SH3KBP1: variants seen among roughly 807,000 people sequenced by gnomAD.
The protein encoded by SH3KBP1 is SH3 domain-containing kinase-binding protein 1.
In SH3KBP1, 8 loss-of-function variants were observed where a neutral mutation model predicts 50.1. The ratio of observed to expected loss-of-function variants is 0.16; its 90% CI spans 0.09 to 0.29. SH3KBP1 has a LOEUF of 0.29. Among genes scored for constraint, SH3KBP1 ranks in the 10% least tolerant of loss-of-function variants. The pLI, the probability that SH3KBP1 is intolerant of heterozygous loss-of-function variation, is 1.00. For synonymous variants in SH3KBP1, 227 were observed against 218.6 expected, an observed-to-expected ratio of 1.04 and a Z score of -0.34; for missense variants, 377 against 535.2, an observed-to-expected ratio of 0.70 and a Z score of 2.92.
At position 19,599,489 on chromosome X, in the gene SH3KBP1, G is replaced by A. The variant is rs188408886; in HGVS notation, c.1006-4489C>T. ...GAGACAGAAGTGTGAAGTTTTGTTC[G>A]GAAACCCGGCAGTTGCAGAGGCAGT... is the stretch of plus-strand genomic sequence containing the variant. On this transcript the variant is annotated intron_variant, in intron 9 of 17. Transcript: ENST00000397821. Among the ~76,000 whole-genome samples the A allele has an allele frequency of 2.2e-4, 25 of 112,038 alleles. No individual in the cohort carries two copies. The East Asian group carries it at 3.7e-3, about 16-fold the overall frequency.
chrX:19,887,485 C>T lies in SH3KBP1; in HGVS notation c.-175G>A. 3.2e-6 allele frequency: 1 copy of T among 309,686 alleles called. No homozygotes were observed. The highest frequency in any genetic ancestry group is 5.3e-6 in the Non-Finnish European group (1 of 187,597). The allele number at this position is 309,686 out of a possible 1,213,427, so 25.5% of individuals were successfully genotyped here. A position where few individuals can be genotyped will look rare whatever the true frequency, so the allele number is the denominator to read the frequency against. ...GGCGGCGGCTCAGCGCCGCCCGCTG[C>T]TGCCTCTGCTGCTGCTGCCGCTGCT... On this transcript the variant is annotated 5_prime_UTR_variant, in exon 1 of 18. Transcript: ENST00000397821.
intron 3 of SH3KBP1, chrX:19,740,636 A>C: frequency 6.1e-6 from 1 of 163,519 alleles, no homozygotes; most frequent in East Asian, 1.8e-4. Context: ...TATTTCTCCA[A>C]TAGAAAATTT....
chrX:19,840,073 C>T (rs1258179016), intron 1 of SH3KBP1, among the ~76,000 whole-genome samples: 5 of 112,176 alleles, frequency 4.5e-5, no homozygotes, highest in African/African-American at 1.6e-4. Context: ...CCTGCTTTAC[C>T]TTTCCTGTCA....
At chrX:19,655,192 C>A (rs1005847684) in intron 6 of SH3KBP1, among the ~76,000 whole-genome samples, 1 of 112,019 alleles carries the variant, frequency 8.9e-6, no homozygotes, top group African/African-American at 3.3e-5. Flanking sequence ...TTTCTTTATA[C>A]CTCTAAAATG....
chrX:19,612,913 A>G (rs1334747637), intron 8 of SH3KBP1, among the ~76,000 whole-genome samples: 2 of 112,289 alleles, frequency 1.8e-5, no homozygotes, highest in Non-Finnish European at 3.8e-5. Context: ...AGACTTGCTG[A>G]GCGTAAAGGA....
At chrX:19,848,937 C>CT (rs1325136183) in intron 1 of SH3KBP1, among the ~76,000 whole-genome samples, 48 of 107,188 alleles carry the variant, frequency 4.5e-4, no homozygotes, top group Non-Finnish European at 5.4e-4. Context: ...CTGTATCCAG[C>CT]TTTTTTTTTT....
chrX:19,785,546 A>C (rs927909881), intron 2 of SH3KBP1, among the ~76,000 whole-genome samples: 1 of 110,880 alleles, frequency 9.0e-6, no homozygotes, highest in African/African-American at 3.3e-5. Flanking sequence ...ATATATTCTC[A>C]AACTGCTCAG....
chrX:19,801,814 G>A (rs897351404), intron 2 of SH3KBP1, among the ~76,000 whole-genome samples: 10 of 112,073 alleles, frequency 8.9e-5, no homozygotes, highest in African/African-American at 3.2e-4. Context: ...AGTGTCTCAC[G>A]CCTGTAATTC....
intron 12 of SH3KBP1, among the ~76,000 whole-genome samples, chrX:19,574,962 C>A (rs181659363): frequency 3.4e-4 from 38 of 111,935 alleles, no homozygotes; most frequent in African/African-American, 1.2e-3. Context: ...ACAAACCCTG[C>A]AGCTACCTTG....
chrX:19,753,796 A>T (rs923601012), intron 2 of SH3KBP1, among the ~76,000 whole-genome samples: 2 of 112,653 alleles, frequency 1.8e-5, no homozygotes, highest in African/African-American at 6.4e-5. Context: ...GAAGAAAAAA[A>T]ACATAAAGTA....
intron 5 of SH3KBP1, chrX:19,695,169 T>C: frequency 1.8e-6 from 1 of 553,266 alleles, no homozygotes; most frequent in East Asian, 3.7e-5. Context: ...GGGATTGGCA[T>C]GCACTCATCT....
intron 2 of SH3KBP1, among the ~76,000 whole-genome samples, chrX:19,811,600 T>A (rs759815478): frequency 4.4e-5 from 5 of 112,432 alleles, no homozygotes; most frequent in African/African-American, 1.6e-4. Context: ...ACAACTAAAA[T>A]GTACATCTAA....
chrX:19,635,204 T>G (rs1051782951), intron 7 of SH3KBP1, among the ~76,000 whole-genome samples: 4 of 111,824 alleles, frequency 3.6e-5, no homozygotes, highest in African/African-American at 1.3e-4. Context: ...ATAAAGAAAA[T>G]GTGGTACATA....
intron 2 of SH3KBP1, among the ~76,000 whole-genome samples, chrX:19,787,093 G>A (rs922853539): frequency 1.8e-5 from 2 of 111,332 alleles, no homozygotes; most frequent in Non-Finnish European, 3.8e-5. Flanking sequence ...CTCCTCTCCT[G>A]GGATCTCTAA....
intron 1 of SH3KBP1, among the ~76,000 whole-genome samples, chrX:19,848,385 T>C (rs937266079): frequency 8.9e-6 from 1 of 112,466 alleles, no homozygotes; most frequent in Non-Finnish European, 1.9e-5. Flanking sequence ...AATAACTGCC[T>C]TGAAACAGCA....
At chrX:19,697,771 T>G (rs937240944) in intron 4 of SH3KBP1, among the ~76,000 whole-genome samples, 7 of 111,872 alleles carry the variant, frequency 6.3e-5, no homozygotes, top group African/African-American at 2.3e-4. Flanking sequence ...GCAGCCATAC[T>G]TAGGGGACAG....
At chrX:19,725,925 G>A (rs1168950884) in intron 3 of SH3KBP1, among the ~76,000 whole-genome samples, 3 of 111,906 alleles carry the variant, frequency 2.7e-5, no homozygotes, top group East Asian at 2.8e-4. Flanking sequence ...ATGGAACCAC[G>A]TTGCCTATGA....
chrX:19,758,889 T>C (rs1024952444), intron 2 of SH3KBP1, among the ~76,000 whole-genome samples: 3 of 111,867 alleles, frequency 2.7e-5, no homozygotes, highest in African/African-American at 9.8e-5. Context: ...CAATGAATGT[T>C]AGCCATTATC....
At chrX:19,757,301 A>C in intron 2 of SH3KBP1, among the ~76,000 whole-genome samples, 1 of 109,595 alleles carries the variant, frequency 9.1e-6, no homozygotes, top group Non-Finnish European at 1.9e-5. Flanking sequence ...CAAGATGAAA[A>C]ACTACATGCC....
Sources: allele counts gnomAD v4.1 joint callset (sites outside exome capture counted in the v4.1 genomes callset), GRCh38; gene constraint gnomAD v4.1.1; transcripts MANE v1.5; gene names NCBI Gene and HGNC (gene_info 2026-07-23, HGNC 2026-07-21).